PMS2: variants seen among roughly 807,000 people sequenced by gnomAD.
The protein encoded by PMS2 is PMS1 homolog 2, mismatch repair system component, also known as mismatch repair endonuclease PMS2.
PMS2 carries 69 observed loss-of-function variants against 90.0 expected under a neutral mutation model. The observed-to-expected ratio is 0.77, with a 90% confidence interval of 0.63 to 0.94. PMS2 has a LOEUF of 0.94. Among genes scored for constraint, PMS2 ranks in the 40% least tolerant of loss-of-function variants. PMS2 has a pLI of 0.00. For synonymous variants in PMS2, 332 were observed against 375.1 expected (o/e 0.89, Z 1.33); for missense variants, 966 against 1,040.2 (o/e 0.93, Z 0.98).
intron 2 of PMS2, 176 bp from the exon 3 acceptor site, chr7:6,004,234 A>T: frequency 1.8e-6 from 1 of 555,128 alleles, no homozygotes; most frequent in South Asian, 2.4e-5. Context: ...GCTATTTACT[A>T]GCCCAGACTA....
rs769228383 is a variant in PMS2 at position 5,995,659 on chromosome 7, C to A, written c.804-26G>T. On this transcript the variant is annotated intron_variant, in intron 7 of 14. Transcript: ENST00000265849. Reference sequence around the variant, plus strand: ...CTATTCAACATTAATATGGTAAGGGCAGGATTCCAGAGTGAAAGGGATTAG... The same window carrying A: ...CTATTCAACATTAATATGGTAAGGGAAGGATTCCAGAGTGAAAGGGATTAG... 6.8e-7 allele frequency: 1 copy of A among 1,470,754 alleles called. No homozygotes were observed. The highest frequency in any genetic ancestry group is 9.5e-7 in the Non-Finnish European group (1 of 1,048,816). 91.1% of individuals were successfully genotyped at this position (1,470,754 alleles called of 1,614,324 possible). A position where few individuals can be genotyped will look rare whatever the true frequency, so the allele number is the denominator to read the frequency against.
intron 5 of PMS2, 145 bp from the exon 6 acceptor site, chr7:5,999,420 G>C: frequency 1.3e-6 from 1 of 782,522 alleles, no homozygotes; most frequent in Middle Eastern, 3.1e-4. Context: ...CTGTAAAGAG[G>C]TGTCTTCCTA....
chr7:5,998,312 C>T (rs1181838593), intron 6 of PMS2, among the ~76,000 whole-genome samples: 1 of 150,508 alleles, frequency 6.6e-6, no homozygotes, highest in Non-Finnish European at 1.5e-5. Flanking sequence ...AAACTCCTGA[C>T]CTCGTGATCC....
At chr7:5,981,709 T>C (rs558759650) in intron 12 of PMS2, among the ~76,000 whole-genome samples, 2 of 151,640 alleles carry the variant, frequency 1.3e-5, no homozygotes, top group Non-Finnish European at 2.9e-5. Context: ...TGATCAACAT[T>C]TTTAATAGCG....
At chr7:5,993,399 G>GA (rs67771829) in intron 8 of PMS2, among the ~76,000 whole-genome samples, 23 of 99,984 alleles carry the variant, frequency 2.3e-4, no homozygotes, top group Non-Finnish European at 3.7e-4. Flanking sequence ...AAGAAAGAAA[G>GA]AAAAAAAAAC....
intron 1 of PMS2, among the ~76,000 whole-genome samples, chr7:6,007,003 A>T (rs1785851639): frequency 6.6e-6 from 1 of 152,124 alleles, no homozygotes; most frequent in Non-Finnish European, 1.5e-5. Flanking sequence ...CTACTATATG[A>T]AAGTTAAAAT....
In PMS2 at chr7:6,005,942, G is replaced by T. The variant is rs148270248; in HGVS notation, c.113C>A (p.Ala38Glu). 1 of 1,610,660 alleles carries T rather than the reference G, an allele frequency of 6.2e-7. No homozygotes were observed. The highest frequency in any genetic ancestry group is 8.5e-7 in the Non-Finnish European group (1 of 1,179,834). The change falls in exon 2 of 15, where the codon GCG (alanine) becomes GAG (glutamate). Residue 38 changes from alanine to glutamate, a missense_variant. Coordinates refer to ENST00000265849, the MANE Select transcript of PMS2 (RefSeq NM_000535.7). ...SGQVVLSLST[A>E]VKELVENSLD... ...ACTGTTTTCTACTAACTCCTTTACC[G>T]CAGTGCTTAGACTCAGTACCACCTG...
rs770841005 is a variant in PMS2 at position 5,986,957 on chromosome 7, G to A, written c.1808C>T (p.Ser603Phe). 6.2e-7 allele frequency: 1 copy of A among 1,613,868 alleles called. No individual in the cohort carries two copies. Among genetic ancestry groups the A allele is most frequent in the South Asian group, 1.1e-5 (1 of 91,082 alleles). The change falls in exon 11 of 15, where the codon TCT (serine) becomes TTT (phenylalanine). Residue 603 changes from serine to phenylalanine, a missense_variant. Ser to Phe is a radical substitution (Grantham distance 155, BLOSUM62 -2). Transcript: ENST00000265849. The part of the protein sequence containing the change: ...KLVNTQDMSA[S>F]QVDVAVKINK... ...AATTTTCACAGCTACATCAACCTGA[G>A]AGGCTGACATGTCCTGAGTATTTAC...
At position 6,007,087 on chromosome 7, in the gene PMS2, C is replaced by CATTATT. The variant is rs10592354; in HGVS notation, c.24-1062_24-1057dup. Reference sequence around the variant, plus strand: ...TCCTTTCCCTTCATCAAGTCCCCTACATTATTATTATTATTATTATTATTA... The same window carrying CATTATT: ...TCCTTTCCCTTCATCAAGTCCCCTACATTATTATTATTATTATTATTATTATTATTA... On this transcript the variant is annotated intron_variant, in intron 1 of 14. Coordinates refer to ENST00000265849, the MANE Select transcript of PMS2 (RefSeq NM_000535.7). Among the ~76,000 whole-genome samples, 1,806 of 147,420 alleles carry CATTATT rather than the reference C, an allele frequency of 0.012. 148 individuals carry two copies. In the East Asian group the frequency reaches 0.22, roughly 18 times the overall value.
chr7:6,008,988 C>T lies in PMS2; in HGVS notation c.23+9G>A, dbSNP rs1046717239. The T allele has an allele frequency of 1.9e-6, 3 of 1,612,560 alleles. No individual in the cohort carries two copies. The highest frequency in any genetic ancestry group is 2.5e-6 in the Non-Finnish European group (3 of 1,179,842). ...GAGGGGACACCGGAAGACTGCGAGC[C>T]CCGCTCACCTCGAGCTCTCAGCTCG... is the stretch of plus-strand genomic sequence containing the variant. On this transcript the variant is annotated intron_variant, in intron 1 of 14. Coordinates refer to ENST00000265849, the MANE Select transcript of PMS2 (RefSeq NM_000535.7).
rs376449640 is a variant in PMS2, at chr7:6,003,684, T to C, written c.353+6A>G. 1.3e-4 allele frequency: 198 copies of C among 1,492,036 alleles called. 1 individual carries two copies. The highest frequency in any genetic ancestry group is 1.8e-4 in the Non-Finnish European group (198 of 1,084,008). The allele number at this position is 1,492,036 out of a possible 1,614,324, so 92.4% of individuals were successfully genotyped here. ...GTCAAGTGAGTGGATAAAAATATTG[T>C]ATCACCTCAGTGCACAAAGTGAGCT... On this transcript the variant is annotated splice_donor_region_variant and intron_variant, in intron 4 of 14. Coordinates refer to ENST00000265849, the MANE Select transcript of PMS2 (RefSeq NM_000535.7).
intron 8 of PMS2, 143 bp from the exon 9 acceptor site, chr7:5,992,200 C>T (rs546343499): frequency 2.2e-5 from 14 of 627,418 alleles, no homozygotes; most frequent in South Asian, 7.3e-5. Context: ...GTCAAGGTCT[C>T]GCCTTGTCAC....
Position 5,995,661 on chromosome 7 carries a change from G to A in PMS2, c.804-28C>T, listed in dbSNP as rs908036802. On this transcript the variant is annotated intron_variant, in intron 7 of 14. Coordinates refer to ENST00000265849, the MANE Select transcript of PMS2 (RefSeq NM_000535.7). ...ATTCAACATTAATATGGTAAGGGCA[G>A]GATTCCAGAGTGAAAGGGATTAGAA... is the stretch of plus-strand genomic sequence containing the variant. 1 of 1,447,506 alleles carries A rather than the reference G, an allele frequency of 6.9e-7. No homozygotes were observed. Among genetic ancestry groups the A allele is most frequent in the Admixed American group, 1.7e-5 (1 of 59,792 alleles). The allele number at this position is 1,447,506 out of a possible 1,614,324, so 89.7% of individuals were successfully genotyped here. A position where few individuals can be genotyped will look rare whatever the true frequency, so the allele number is the denominator to read the frequency against.
In PMS2 at chr7:5,989,917, T is replaced by C. The variant is rs1181117995; in HGVS notation, c.1027A>G (p.Ile343Val). Reference protein sequence around the residue: ...DINVTPDKRQILLQEEKLLLA... With the variant: ...DINVTPDKRQVLLQEEKLLLA... ...AAAAGCTTTTCCTCTTGTAGCAAAATTTGCCTTTTATCTGGAGTAACATTG... is the reference window on the plus strand; with the variant it reads ...AAAAGCTTTTCCTCTTGTAGCAAAACTTGCCTTTTATCTGGAGTAACATTG... The change falls in exon 10 of 15, where the codon ATT becomes GTT. Residue 343 changes from isoleucine (I) to valine (V), a missense_variant. Physicochemically the swap from Ile to Val is conservative, Grantham distance 29. Coordinates refer to ENST00000265849, the MANE Select transcript of PMS2 (RefSeq NM_000535.7). The C allele has an allele frequency of 6.2e-7, 1 of 1,611,594 alleles. No individual in the cohort carries two copies. The highest frequency in any genetic ancestry group is 1.3e-5 in the African/African-American group (1 of 74,884).
At chr7:5,998,545 T>C (rs1321253086) in intron 6 of PMS2, among the ~76,000 whole-genome samples, 1 of 148,392 alleles carries the variant, frequency 6.7e-6, no homozygotes, top group African/African-American at 2.5e-5. Flanking sequence ...ATACAAAAAA[T>C]TAGCTGGGCC....
At chr7:5,993,085 C>T (rs143124944) in intron 8 of PMS2, among the ~76,000 whole-genome samples, 130 of 152,190 alleles carry the variant, frequency 8.5e-4, no homozygotes, top group African/African-American at 3.0e-3. Flanking sequence ...CATTGAAAAA[C>T]AGGGGCTGGG....
intron 1 of PMS2, among the ~76,000 whole-genome samples, chr7:6,008,166 T>A (rs1786079290): frequency 6.6e-6 from 1 of 152,146 alleles, no homozygotes; most frequent in South Asian, 2.1e-4. Flanking sequence ...CCACTTCAGA[T>A]ATTTATTTTG....
chr7:5,987,771 T>G (rs535347275), intron 10 of PMS2, 151 bp from the exon 11 acceptor site: 31 of 942,692 alleles, frequency 3.3e-5, no homozygotes, highest in Non-Finnish European at 5.0e-5. Context: ...AACTATAATA[T>G]GGGCCAGGTG....
chr7:6,008,117 A>G (rs1306397045), intron 1 of PMS2, among the ~76,000 whole-genome samples: 2 of 152,136 alleles, frequency 1.3e-5, no homozygotes, highest in East Asian at 1.9e-4. Context: ...TTGGCCTCCC[A>G]AAGTGCTGGG....
Sources: gnomAD v4.1 joint callset for allele counts (sites outside exome capture counted in the v4.1 genomes callset) on GRCh38, gnomAD v4.1.1 for gene constraint, MANE v1.5 for transcripts, NCBI Gene and HGNC (gene_info 2026-07-23, HGNC 2026-07-21) for gene names.